The following KCNS2 variants were observed in gnomAD, a reference collection of about 807,000 sequenced individuals.
KCNS2 encodes potassium voltage-gated channel modifier subfamily S member 2, also known as delayed-rectifier potassium channel regulatory subunit KCNS2.
KCNS2 carries 15 observed loss-of-function variants against 28.3 expected under a neutral mutation model. The observed-to-expected ratio is 0.53, with a 90% CI of 0.35 to 0.82. The LOEUF (loss-of-function observed/expected upper bound fraction) is 0.82. KCNS2 is among the 40% of genes least tolerant of loss of function. The pLI, the probability that KCNS2 is intolerant of heterozygous loss-of-function variation, is 0.01. For synonymous variants in KCNS2, 254 were observed against 256.7 expected, an observed-to-expected ratio of 0.99 and a Z score of 0.10; for missense variants, 501 against 617.1, an observed-to-expected ratio of 0.81 and a Z score of 1.99.
At chr8:98,427,573 C>G (rs941419274) in intron 1 of KCNS2, 2 of 154,548 alleles carry the variant, frequency 1.3e-5, no homozygotes, top group African/African-American at 2.4e-5. Context: ...CGTGTCGGCC[C>G]GGCCCTGCCC....
Position 98,428,536 on chromosome 8 carries a change from G to C in KCNS2, c.557G>C (p.Ser186Thr). Residue 186 changes from serine to threonine, a missense_variant, in exon 2 of 2, where the codon AGC becomes ACC. Coordinates refer to ENST00000287042, the MANE Select transcript of KCNS2 (RefSeq NM_020697.4). The surrounding 1 kb of genome is among the most constrained non-coding windows in gnomAD (Gnocchi z 6.7). Reference protein sequence around the residue: ...ALDNPGYSVLSRVFSILSILV... With the variant: ...ALDNPGYSVLTRVFSILSILV... ...GACAACCCCGGCTACTCAGTGCTGA[G>C]CAGGGTCTTCAGCATCCTGTCCATC... 6.2e-7 allele frequency: 1 copy of C among 1,614,190 alleles called. No individual in the cohort carries two copies. Among genetic ancestry groups the C allele is most frequent in the Non-Finnish European group, 8.5e-7 (1 of 1,180,036 alleles).
rs201122636 is a variant in KCNS2 at position 98,428,590 on chromosome 8, T to C, written c.611T>C (p.Met204Thr). 3.7e-4 allele frequency: 601 copies of C among 1,614,148 alleles called. No individual in the cohort carries two copies. The highest frequency in any genetic ancestry group is 7.6e-4 in the South Asian group (69 of 91,078). Residue 204 changes from methionine (M) to threonine (T), a missense_variant, in exon 2 of 2, where the codon ATG becomes ACG. Met to Thr is a moderately conservative substitution (Grantham distance 81). Coordinates refer to ENST00000287042, the MANE Select transcript of KCNS2 (RefSeq NM_020697.4). This position sits in a 1 kb window ranked among gnomAD's most constrained non-coding sequence, Gnocchi z 6.7. ...GTGGTGATGGGGTCCATCATCACCA[T>C]GTGCCTCAATAGCCTGCCCGATTTC... ...ILVVMGSIITMCLNSLPDFQI... is the reference protein window; with the variant it reads ...ILVVMGSIITTCLNSLPDFQI...
Position 98,430,918 on chromosome 8 carries a change from C to T in KCNS2, c.*1505C>T, listed in dbSNP as rs187175955. The T allele has an allele frequency of 3.6e-5, 6 of 167,230 alleles. No homozygotes were observed. Among genetic ancestry groups the T allele is most frequent in the Admixed American group, 2.6e-4 (4 of 15,300 alleles). The allele number at this position is 167,230 out of a possible 1,614,324, so 10.4% of individuals were successfully genotyped here. On this transcript the variant is annotated 3_prime_UTR_variant, in exon 2 of 2. Transcript: ENST00000287042. ...CCAAAATGCTCCTGCTCCTCTTGTT[C>T]GGTTAACCAGCACATAACATTGTGA...
Position 98,431,551 on chromosome 8 carries a change from A to C in KCNS2, c.*2138A>C, listed in dbSNP as rs1054038371. 6.0e-6 allele frequency: 1 copy of C among 167,106 alleles called. No homozygotes were observed. Among genetic ancestry groups the C allele is most frequent in the Non-Finnish European group, 1.5e-5 (1 of 68,130 alleles). 10.4% of individuals were successfully genotyped at this position (167,106 alleles called of 1,614,324 possible). A position where few individuals can be genotyped will look rare whatever the true frequency, so the allele number is the denominator to read the frequency against. ...TGGTACAGACTTATGAGGACGGATCAGTTTGCCAAGGCTGATGGTATTGGG... is the reference window on the plus strand; with the variant it reads ...TGGTACAGACTTATGAGGACGGATCCGTTTGCCAAGGCTGATGGTATTGGG... On this transcript the variant is annotated 3_prime_UTR_variant, in exon 2 of 2. Transcript: ENST00000287042.
chr8:98,428,081 G>A lies in KCNS2; in HGVS notation c.102G>A (p.Thr34=). Residue 34 remains threonine, a synonymous_variant, in exon 2 of 2, where the codon ACG becomes ACA. Transcript: ENST00000287042. The surrounding 1 kb of genome is among the most constrained non-coding windows in gnomAD (Gnocchi z 6.7). The stretch of plus-strand genomic sequence containing the variant: ...TCAAGAGGAGGCTGCGCTCGCACAC[G>A]CTGCTGCGCTTCCCCGAGACGCGCC... ...GGFKRRLRSH[T]LLRFPETRLG... The A allele has an allele frequency of 6.2e-7, 1 of 1,613,678 alleles. No homozygotes were observed. Among genetic ancestry groups the A allele is most frequent in the Non-Finnish European group, 8.5e-7 (1 of 1,179,886 alleles).
At position 98,427,975 on chromosome 8, in the gene KCNS2, C is replaced by G. The variant is rs1260531675; in HGVS notation, c.-5C>G. 1.3e-6 allele frequency: 2 copies of G among 1,517,616 alleles called. No individual in the cohort carries two copies. Among genetic ancestry groups the G allele is most frequent in the Admixed American group, 2.2e-5 (1 of 45,980 alleles). 94.0% of individuals were successfully genotyped at this position (1,517,616 alleles called of 1,614,324 possible). ...CGCGCGGCGCGGGCGGCCGGCGCCT[C>G]CAGCATGACCGGCCAGAGCCTGTGG... On this transcript the variant is annotated 5_prime_UTR_variant, in exon 2 of 2. Transcript: ENST00000287042.
At position 98,428,136 on chromosome 8, in the gene KCNS2, G is replaced by A; in HGVS notation, c.157G>A (p.Glu53Lys). 6.2e-7 allele frequency: 1 copy of A among 1,614,016 alleles called. No individual in the cohort carries two copies. The highest frequency in any genetic ancestry group is 2.2e-5 in the East Asian group (1 of 44,854). ...CCGCTTGCTGCTCTGCCACTCGCGC[G>A]AGGCCATTCTGGAGCTCTGCGATGA... ...LGRLLLCHSR[E>K]AILELCDDYD... Residue 53 changes from glutamate to lysine, a missense_variant, in exon 2 of 2, where the codon GAG becomes AAG. Physicochemically the swap from Glu to Lys is moderately conservative, Grantham distance 56 (BLOSUM62 1). Coordinates refer to ENST00000287042, the MANE Select transcript of KCNS2 (RefSeq NM_020697.4). This position sits in a 1 kb window ranked among gnomAD's most constrained non-coding sequence, Gnocchi z 6.7.
At position 98,429,159 on chromosome 8, in the gene KCNS2, T is replaced by C. The variant is rs1818292898; in HGVS notation, c.1180T>C (p.Cys394Arg). 1 of 1,613,638 alleles carries C rather than the reference T, an allele frequency of 6.2e-7. No homozygotes were observed. Among genetic ancestry groups the C allele is most frequent in the African/African-American group, 1.3e-5 (1 of 75,018 alleles). ...TTAGKLTASA[C>R]ILAGILVVVL... Reference sequence around the variant, plus strand: ...GGCAGGAAAGCTGACTGCCTCTGCCTGCATCTTGGCAGGCATCCTCGTGGT... The same window carrying C: ...GGCAGGAAAGCTGACTGCCTCTGCCCGCATCTTGGCAGGCATCCTCGTGGT... The change falls in exon 2 of 2, where the codon TGC becomes CGC. Residue 394 changes from cysteine (C) to arginine (R), a missense_variant. By Grantham distance (180) the Cys-to-Arg change is radical. Transcript: ENST00000287042.
rs1563600145 is a variant in KCNS2 at position 98,428,991 on chromosome 8, G to T, written c.1012G>T (p.Val338Leu). 3 of 1,614,028 alleles carry T rather than the reference G, an allele frequency of 1.9e-6. No individual in the cohort carries two copies. The highest frequency in any genetic ancestry group is 1.3e-5 in the African/African-American group (1 of 74,928). The change falls in exon 2 of 2, where the codon GTG becomes TTG. Residue 338 changes from valine to leucine, a missense_variant. Physicochemically the swap from Val to Leu is conservative, Grantham distance 32. Transcript: ENST00000287042. This position sits in a 1 kb window ranked among gnomAD's most constrained non-coding sequence, Gnocchi z 6.7. ...EVGLLLLYLS[V>L]GISIFSVVAY... ...AGGGCTGCTCTTGCTCTACCTCTCCGTGGGGATTTCCATCTTCTCCGTGGT... is the reference window on the plus strand; with the variant it reads ...AGGGCTGCTCTTGCTCTACCTCTCCTTGGGGATTTCCATCTTCTCCGTGGT...
chr8:98,429,590 G>A lies in KCNS2; in HGVS notation c.*177G>A. ...TTTTTAGAATCGTTTTTAGAGGGTG[G>A]TGTGTCTGACACCATGCCTTTGCAC... On this transcript the variant is annotated 3_prime_UTR_variant, in exon 2 of 2. Coordinates refer to ENST00000287042, the MANE Select transcript of KCNS2 (RefSeq NM_020697.4). The A allele has an allele frequency of 3.4e-6, 2 of 590,014 alleles. No individual in the cohort carries two copies. The highest frequency in any genetic ancestry group is 6.1e-6 in the Non-Finnish European group (2 of 326,520). 36.5% of individuals were successfully genotyped at this position (590,014 alleles called of 1,614,324 possible). A position where few individuals can be genotyped will look rare whatever the true frequency, so the allele number is the denominator to read the frequency against.
Position 98,429,426 on chromosome 8 carries a change from G to T in KCNS2, c.*13G>T, listed in dbSNP as rs1818296500. Reference sequence around the variant, plus strand: ...TTCCCTACGTTAGCCGGGAGGACTTGTCACCCTCCACCCCACATTGCTGAG... The same window carrying T: ...TTCCCTACGTTAGCCGGGAGGACTTTTCACCCTCCACCCCACATTGCTGAG... On this transcript the variant is annotated 3_prime_UTR_variant, in exon 2 of 2. Coordinates refer to ENST00000287042, the MANE Select transcript of KCNS2 (RefSeq NM_020697.4). 1.9e-6 allele frequency: 3 copies of T among 1,565,926 alleles called. No homozygotes were observed. The highest frequency in any genetic ancestry group is 1.1e-5 in the South Asian group (1 of 87,566).
chr8:98,428,387 C>A lies in KCNS2; in HGVS notation c.408C>A (p.Asp136Glu), dbSNP rs1159570482. 1.9e-6 allele frequency: 3 copies of A among 1,614,162 alleles called. No homozygotes were observed. Among genetic ancestry groups the A allele is most frequent in the Admixed American group, 1.7e-5 (1 of 60,020 alleles). ...TAGAGCCCGAGCAGGAGAAGTGGGACGAGCAGAGTGACCAGGAGAGCACCA... is the reference window on the plus strand; with the variant it reads ...TAGAGCCCGAGCAGGAGAAGTGGGAAGAGCAGAGTGACCAGGAGAGCACCA... ...RKVEPEQEKW[D>E]EQSDQESTTS... Residue 136 changes from aspartate to glutamate, a missense_variant, in exon 2 of 2, where the codon GAC (aspartate) becomes GAA (glutamate). Coordinates refer to ENST00000287042, the MANE Select transcript of KCNS2 (RefSeq NM_020697.4). This position sits in a 1 kb window ranked among gnomAD's most constrained non-coding sequence, Gnocchi z 6.7.
chr8:98,427,823 G>T (rs1437078792), intron 1 of KCNS2, 115 bp from the exon 2 acceptor site: 1 of 615,460 alleles, frequency 1.6e-6, no homozygotes, highest in African/African-American at 1.9e-5. Flanking sequence ...CCCCAGCCCA[G>T]CCCTTCAGCA....
chr8:98,427,944 C>T lies in KCNS2; in HGVS notation c.-36C>T. ...CTGTTCCCTCCGCTTCCAGGTGTAGCGCCCCCGCGCGGCGCGGGCGGCCGG... is the reference window on the plus strand; with the variant it reads ...CTGTTCCCTCCGCTTCCAGGTGTAGTGCCCCCGCGCGGCGCGGGCGGCCGG... On this transcript the variant is annotated 5_prime_UTR_variant, in exon 2 of 2. Coordinates refer to ENST00000287042, the MANE Select transcript of KCNS2 (RefSeq NM_020697.4). The T allele has an allele frequency of 6.9e-7, 1 of 1,456,608 alleles. No homozygotes were observed. Among genetic ancestry groups the T allele is most frequent in the Non-Finnish European group, 9.1e-7 (1 of 1,093,738 alleles). 90.2% of individuals were successfully genotyped at this position (1,456,608 alleles called of 1,614,324 possible).
rs1255116486 is a variant in KCNS2, at chr8:98,429,017, G to A, written c.1038G>A (p.Val346=). The change falls in exon 2 of 2, where the codon GTG becomes GTA. Residue 346 remains valine, a synonymous_variant. Transcript: ENST00000287042. ...TGGGGATTTCCATCTTCTCCGTGGT[G>A]GCCTACACCATTGAAAAGGAGGAGA... The part of the protein sequence containing the change: ...LSVGISIFSV[V]AYTIEKEENE... The A allele has an allele frequency of 2.5e-6, 4 of 1,613,914 alleles. No individual in the cohort carries two copies. The highest frequency in any genetic ancestry group is 3.4e-6 in the Non-Finnish European group (4 of 1,179,890).
rs1361584406 is a variant in KCNS2 at position 98,427,113 on chromosome 8, G to T, written c.-259G>T. ...GGGGCTCCGGGAGCGGCGGGACCAC[G>T]CAGCCACCTGTGAGCCTTCGGCAGC... is the stretch of plus-strand genomic sequence containing the variant. On this transcript the variant is annotated 5_prime_UTR_variant, in exon 1 of 2. Coordinates refer to ENST00000287042, the MANE Select transcript of KCNS2 (RefSeq NM_020697.4). 4 of 150,302 alleles carry T rather than the reference G, an allele frequency of 2.7e-5. No individual in the cohort carries two copies. Among genetic ancestry groups the T allele is most frequent in the African/African-American group, 9.7e-5 (4 of 41,190 alleles). The allele number at this position is 150,302 out of a possible 1,614,324, so 9.3% of individuals were successfully genotyped here.
Position 98,428,692 on chromosome 8 carries a change from T to C in KCNS2, c.713T>C (p.Phe238Ser). ...GTGGAGCACTTTGGCATTGCCTGGTTCACATTTGAGCTGGTGGCCAGGTTT... is the reference window on the plus strand; with the variant it reads ...GTGGAGCACTTTGGCATTGCCTGGTCCACATTTGAGCTGGTGGCCAGGTTT... The part of the protein sequence containing the change: ...EIVEHFGIAW[F>S]TFELVARFAV... Residue 238 changes from phenylalanine (F) to serine (S), a missense_variant, in exon 2 of 2, where the codon TTC becomes TCC. By Grantham distance (155) the Phe-to-Ser change is radical. Transcript: ENST00000287042. The surrounding 1 kb of genome is among the most constrained non-coding windows in gnomAD (Gnocchi z 6.7). The C allele has an allele frequency of 6.2e-7, 1 of 1,614,242 alleles. No individual in the cohort carries two copies. Among genetic ancestry groups the C allele is most frequent in the Non-Finnish European group, 8.5e-7 (1 of 1,180,046 alleles).
At position 98,427,103 on chromosome 8, in the gene KCNS2, G is replaced by C. The variant is rs1297402051; in HGVS notation, c.-269G>C. ...ATCCGGAGAGGGGGCTCCGGGAGCG[G>C]CGGGACCACGCAGCCACCTGTGAGC... On this transcript the variant is annotated 5_prime_UTR_variant, in exon 1 of 2. Transcript: ENST00000287042. 2 of 150,458 alleles carry C rather than the reference G, an allele frequency of 1.3e-5. No homozygotes were observed. The highest frequency in any genetic ancestry group is 1.3e-4 in the Admixed American group (2 of 15,134). The allele number at this position is 150,458 out of a possible 1,614,324, so 9.3% of individuals were successfully genotyped here.
rs959653088 is a variant in KCNS2 at position 98,432,674 on chromosome 8, A to G, written c.*3261A>G. On this transcript the variant is annotated 3_prime_UTR_variant, in exon 2 of 2. Coordinates refer to ENST00000287042, the MANE Select transcript of KCNS2 (RefSeq NM_020697.4). ...TGTTATGCACTTTGGGATAGTGGTG[A>G]TCTGTACAGGCTGTGTGTTAGCTAC... 6.0e-6 allele frequency: 1 copy of G among 167,108 alleles called. No homozygotes were observed. The highest frequency in any genetic ancestry group is 1.5e-5 in the Non-Finnish European group (1 of 68,134). 10.4% of individuals were successfully genotyped at this position (167,108 alleles called of 1,614,324 possible). A position where few individuals can be genotyped will look rare whatever the true frequency, so the allele number is the denominator to read the frequency against.
Sources: gnomAD v4.1 joint callset for allele counts on GRCh38, gnomAD v4.1.1 for gene constraint, Gnocchi (gnomAD v3.1) non-coding constraint, MANE v1.5 for transcripts, NCBI Gene and HGNC (gene_info 2026-07-23, HGNC 2026-07-21) for gene names.